Variants in C11orf24 observed in about 807,000 individuals in gnomAD.
C11orf24 encodes the protein uncharacterized protein C11orf24.
C11orf24 carries 5 observed loss-of-function variants against 7.3 expected under a neutral mutation model. That is an observed-to-expected ratio of 0.69 (90% CI 0.36 to 1.45). C11orf24 has a LOEUF of 1.45. C11orf24 is among the 40% of genes most tolerant of loss of function. C11orf24 has a pLI of 0.03. For synonymous variants in C11orf24, 233 were observed against 235.7 expected, an observed-to-expected ratio of 0.99 and a Z score of 0.11; for missense variants, 566 against 590.5, an observed-to-expected ratio of 0.96 and a Z score of 0.43.
intron 1 of C11orf24, among the ~76,000 whole-genome samples, chr11:68,270,232 C>T (rs943942834): frequency 3.9e-5 from 6 of 152,128 alleles, no homozygotes; most frequent in Admixed American, 3.3e-4. Context: ...TGGGAGCTCC[C>T]TTCTTCAGGG....
chr11:68,269,462 T>TTA (rs1412893738), intron 1 of C11orf24, among the ~76,000 whole-genome samples: 2 of 152,162 alleles, frequency 1.3e-5, no homozygotes, highest in African/African-American at 4.8e-5. Context: ...CATGGGAAGG[T>TTA]TATCAGTAGG....
In C11orf24 at chr11:68,262,418, C is replaced by G. The variant is rs759520820; in HGVS notation, c.577G>C (p.Ala193Pro). ...AACGCGCTGCTCTTTGGCACTTGTG[C>G]GAGGGCTGTGCTGAGAGATGGATGC... is the stretch of plus-strand genomic sequence containing the variant. ...TGHPSLSTALAQVPKSSALPR... is the reference protein window; with the variant it reads ...TGHPSLSTALPQVPKSSALPR... Residue 193 changes from alanine to proline, a missense_variant, in exon 4 of 4, where the codon GCA becomes CCA. Coordinates refer to ENST00000304271, the MANE Select transcript of C11orf24 (RefSeq NM_022338.4). The G allele has an allele frequency of 1.1e-5, 17 of 1,614,008 alleles. No homozygotes were observed. The highest frequency in any genetic ancestry group is 1.4e-5 in the Non-Finnish European group (17 of 1,180,048).
At chr11:68,263,028 C>A in intron 3 of C11orf24, 110 bp from the exon 4 acceptor site, 2 of 885,728 alleles carry the variant, frequency 2.3e-6, no homozygotes, top group East Asian at 5.2e-5. Context: ...CTCCTCAGCC[C>A]AGCCAGAGTC....
In C11orf24 at chr11:68,263,757, G is replaced by C. The variant is rs1394076568; in HGVS notation, c.11C>G (p.Ala4Gly). ...GGAGAAAATCCAAATGAGCACAAGA[G>C]CTGTCCACATCTTGTGGGTGAGCTG... MWT[A>G]LVLIWIFSLS... The change falls in exon 3 of 4, where the codon GCT becomes GGT. Residue 4 changes from alanine (A) to glycine (G), a missense_variant. By Grantham distance (60) the Ala-to-Gly change is moderately conservative. Coordinates refer to ENST00000304271, the MANE Select transcript of C11orf24 (RefSeq NM_022338.4). 6 of 1,612,870 alleles carry C rather than the reference G, an allele frequency of 3.7e-6. No individual in the cohort carries two copies. The highest frequency in any genetic ancestry group is 1.3e-5 in the African/African-American group (1 of 74,942).
chr11:68,264,538 CCATCCAT>C (rs2098563708), intron 2 of C11orf24, among the ~76,000 whole-genome samples: 1 of 123,932 alleles, frequency 8.1e-6, no homozygotes, highest in Non-Finnish European at 1.8e-5. Flanking sequence ...ATCCATCCAT[CCATCCAT>C]CCATCCATCC....
chr11:68,264,912 C>T (rs922035576), intron 2 of C11orf24, among the ~76,000 whole-genome samples: 1 of 151,672 alleles, frequency 6.6e-6, no homozygotes, highest in Non-Finnish European at 1.5e-5. Flanking sequence ...AAGGAGGAGA[C>T]AGTATGCGGG....
At chr11:68,263,889 G>T (rs1391920510) in intron 2 of C11orf24, 23 bp from the exon 3 acceptor site, 2 of 743,334 alleles carry the variant, frequency 2.7e-6, no homozygotes, top group Non-Finnish European at 4.4e-6. Context: ...AAGCACGCTG[G>T]TCAGAAGGCG....
rs560643518 is a variant in C11orf24, at chr11:68,262,042, T to G, written c.953A>C (p.Glu318Ala). 1.2e-6 allele frequency: 2 copies of G among 1,613,744 alleles called. No homozygotes were observed. The highest frequency in any genetic ancestry group is 1.7e-6 in the Non-Finnish European group (2 of 1,179,986). ...TGGCTGTGTCGTGGGGGACATGGCCTCCATCTCAGGGATTGGGCTGGTGTG... is the reference window on the plus strand; with the variant it reads ...TGGCTGTGTCGTGGGGGACATGGCCGCCATCTCAGGGATTGGGCTGGTGTG... ...VPHTSPIPEM[E>A]AMSPTTQPSP... Residue 318 changes from glutamate to alanine, a missense_variant, in exon 4 of 4, where the codon GAG (glutamate) becomes GCG (alanine). Transcript: ENST00000304271.
At chr11:68,264,594 AAG>A (rs2098563858) in intron 2 of C11orf24, among the ~76,000 whole-genome samples, 1 of 7,590 alleles carries the variant, frequency 1.3e-4, no homozygotes, top group Non-Finnish European at 2.7e-4. Flanking sequence ...GTCCATCCAT[AAG>A]TCCATCCATC....
chr11:68,263,416 T>A (rs369738702), intron 3 of C11orf24: 2 of 509,138 alleles, frequency 3.9e-6, no homozygotes, highest in Admixed American at 3.7e-5. Flanking sequence ...AAGGAATCAA[T>A]TCCCCAGTGA....
At chr11:68,266,839 G>A (rs1344911751) in intron 2 of C11orf24, among the ~76,000 whole-genome samples, 2 of 152,112 alleles carry the variant, frequency 1.3e-5, no homozygotes, top group African/African-American at 2.4e-5. Context: ...GCCCGAGCCC[G>A]GGATTTGAGG....
chr11:68,268,514 AC>A (rs769540255), intron 1 of C11orf24, among the ~76,000 whole-genome samples: 4 of 152,150 alleles, frequency 2.6e-5, no homozygotes, highest in Non-Finnish European at 5.9e-5. Context: ...ACATGGTGAA[AC>A]CCCATCTCCA....
chr11:68,261,954 T>G lies in C11orf24; in HGVS notation c.1041A>C (p.Val347=). The part of the protein sequence containing the change: ...GPGTSQAPEQ[V]ETEATPGTDS... ...CAGTACCTGGTGTGGCTTCAGTCTC[T>G]ACCTGCTCCGGTGCCTGGGATGTGC... Residue 347 remains valine, a synonymous_variant, in exon 4 of 4, where the codon GTA becomes GTC. Coordinates refer to ENST00000304271, the MANE Select transcript of C11orf24 (RefSeq NM_022338.4). The G allele has an allele frequency of 1.2e-6, 2 of 1,613,992 alleles. No homozygotes were observed. Among genetic ancestry groups the G allele is most frequent in the Non-Finnish European group, 1.7e-6 (2 of 1,180,036 alleles).
chr11:68,265,214 T>G (rs1369215095), intron 2 of C11orf24, among the ~76,000 whole-genome samples: 1 of 152,180 alleles, frequency 6.6e-6, no homozygotes, highest in African/African-American at 2.4e-5. Flanking sequence ...GGAGGCCCCA[T>G]GAGCCATGTG....
rs2153102884 is a variant in C11orf24, at chr11:68,261,608, G to A, written c.*37C>T. Reference sequence around the variant, plus strand: ...TCTCAAAGGCAAAAGGAAAGGACGAGGAAGGGGCCAGGCCTCCCGCCAGGC... The same window carrying A: ...TCTCAAAGGCAAAAGGAAAGGACGAAGAAGGGGCCAGGCCTCCCGCCAGGC... On this transcript the variant is annotated 3_prime_UTR_variant, in exon 4 of 4. Coordinates refer to ENST00000304271, the MANE Select transcript of C11orf24 (RefSeq NM_022338.4). 2 of 1,555,110 alleles carry A rather than the reference G, an allele frequency of 1.3e-6. No homozygotes were observed. The highest frequency in any genetic ancestry group is 1.7e-6 in the Non-Finnish European group (2 of 1,147,402).
intron 3 of C11orf24, 50 bp from the exon 4 acceptor site, chr11:68,262,968 C>A: frequency 6.4e-7 from 1 of 1,555,326 alleles, no homozygotes. Context: ...TTCAATCCTG[C>A]ACAGGGGGAT....
In C11orf24 at chr11:68,262,475, T is replaced by C; in HGVS notation, c.520A>G (p.Thr174Ala). The C allele has an allele frequency of 1.2e-6, 2 of 1,613,992 alleles. No homozygotes were observed. The highest frequency in any genetic ancestry group is 1.7e-6 in the Non-Finnish European group (2 of 1,179,990). The change falls in exon 4 of 4, where the codon ACA becomes GCA. Residue 174 changes from threonine (T) to alanine (A), a missense_variant. Coordinates refer to ENST00000304271, the MANE Select transcript of C11orf24 (RefSeq NM_022338.4). The part of the protein sequence containing the change: ...LALPAPTSTS[T>A]GRTPSTTATG... ...GCGGTAGTGGACGGGGTCCGCCCTG[T>C]GGAAGTGGACGTGGGCGCGGGGAGT... is the stretch of plus-strand genomic sequence containing the variant.
At position 68,262,632 on chromosome 11, in the gene C11orf24, AG is replaced by A. The variant is rs770350305; in HGVS notation, c.362del (p.Thr121MetfsTer6). 6.2e-7 allele frequency: 1 copy of A among 1,612,698 alleles called. No individual in the cohort carries two copies. Among genetic ancestry groups the A allele is most frequent in the Admixed American group, 1.7e-5 (1 of 60,008 alleles). ...ASSTTAASIT[T>X]AASSMTVASS... The stretch of plus-strand genomic sequence containing the variant: ...AGGCCACAGTCATACTGGAGGCCGC[AG>A]TCGTAATGGAGGCCGCAGTCGTACT... On this transcript the variant is annotated frameshift_variant, in exon 4 of 4. Coordinates refer to ENST00000304271, the MANE Select transcript of C11orf24 (RefSeq NM_022338.4). LOFTEE classifies it low-confidence loss of function (END_TRUNC).
chr11:68,265,519 G>T (rs1445919675), intron 2 of C11orf24, among the ~76,000 whole-genome samples: 1 of 152,074 alleles, frequency 6.6e-6, no homozygotes, highest in Non-Finnish European at 1.5e-5. Flanking sequence ...TTATTTTTTT[G>T]AGATGGGTCT....
Sources: allele counts gnomAD v4.1 joint callset (sites outside exome capture counted in the v4.1 genomes callset), GRCh38; gene constraint gnomAD v4.1.1; transcripts MANE v1.5; gene names NCBI Gene and HGNC (gene_info 2026-07-23, HGNC 2026-07-21).